Variants in NSUN4 observed in about 807,000 individuals in gnomAD.
NSUN4 encodes the protein 5-cytosine rRNA methyltransferase NSUN4.
In NSUN4, 31 loss-of-function variants were observed where a neutral mutation model predicts 43.8. The ratio of observed to expected loss-of-function variants is 0.71; its 90% CI spans 0.53 to 0.96. The LOEUF (loss-of-function observed/expected upper bound fraction) is 0.96, where lower values mean the gene tolerates loss of function less well. Ranked by LOEUF, NSUN4 falls within the 40% of genes least tolerant of loss-of-function variation. The pLI, the probability that NSUN4 is intolerant of heterozygous loss-of-function variation, is 0.00. For missense variants in NSUN4, 439 were observed against 475.6 expected, an observed-to-expected ratio of 0.92 and a Z score of 0.72; for synonymous variants, 167 against 184.1, an observed-to-expected ratio of 0.91 and a Z score of 0.75.
At chr1:46,371,828 C>T in the NSUN4 span, among the ~76,000 whole-genome samples, 85 of 152,040 alleles carry the variant, frequency 5.6e-4, no homozygotes, top group African/African-American at 1.8e-3. Context: ...TGGAGGTGGG[C>T]GGGGGGTGCC....
At chr1:46,372,489 CACTTT>C in the NSUN4 span, among the ~76,000 whole-genome samples, 1 of 152,114 alleles carries the variant, frequency 6.6e-6, no homozygotes, top group Non-Finnish European at 1.5e-5. Context: ...CAAATCTTTC[CACTTT>C]ACTTCCCTTT....
At position 46,361,899 on chromosome 1, in the gene NSUN4, C is replaced by A. The variant is rs537521305; in HGVS notation, c.*53C>A. 38 of 1,504,530 alleles carry A rather than the reference C, an allele frequency of 2.5e-5. No homozygotes were observed. The South Asian group carries it at 4.3e-4, about 17-fold the overall frequency. 93.2% of individuals were successfully genotyped at this position (1,504,530 alleles called of 1,614,324 possible). A position where few individuals can be genotyped will look rare whatever the true frequency, so the allele number is the denominator to read the frequency against. ...CAAAGGGTATACTCTGTTGGATGCA[C>A]CAGAAACTGGAAACTGGGACCAGTG... On this transcript the variant is annotated 3_prime_UTR_variant, in exon 6 of 6. Transcript: ENST00000474844.
chr1:46,346,987 C>A lies in NSUN4; in HGVS notation c.504C>A (p.Ala168=), dbSNP rs767222066. 1.7e-5 allele frequency: 27 copies of A among 1,614,026 alleles called. No individual in the cohort carries two copies. The highest frequency in any genetic ancestry group is 2.1e-5 in the Non-Finnish European group (25 of 1,180,008). ...CTGCCTCCTTGCTGCCTGTTCTGGC[C>A]CTCGGCCTGCAGCCTGGGGACATCG... ...MDAASLLPVL[A]LGLQPGDIVL... is the part of the protein sequence containing the mutation. Residue 168 remains alanine (A), a synonymous_variant, in exon 3 of 6, where the codon GCC becomes GCA. Transcript: ENST00000474844.
the NSUN4 span, among the ~76,000 whole-genome samples, chr1:46,375,779 A>T: frequency 6.7e-6 from 1 of 148,528 alleles, no homozygotes; most frequent in South Asian, 2.1e-4. Flanking sequence ...TATTCACAAT[A>T]GGTCTGATTT....
rs190027915 is a variant in NSUN4, at chr1:46,347,771, T to G, written c.592+696T>G. 2.9e-3 allele frequency among the ~76,000 whole-genome samples: 446 copies of G among 152,348 alleles called. 3 individuals are homozygous for G. Among genetic ancestry groups the G allele is most frequent in the African/African-American group, 7.8e-3 (326 of 41,592 alleles). On this transcript the variant is annotated intron_variant, in intron 3 of 5. Transcript: ENST00000474844. Reference sequence around the variant, plus strand: ...TTCTAGGCTTTATGTGCTTTAACCTTACTCTGCTACTCTCTGTTGCCTTTG... The same window carrying G: ...TTCTAGGCTTTATGTGCTTTAACCTGACTCTGCTACTCTCTGTTGCCTTTG...
rs1190689943 is a variant in NSUN4 at position 46,351,659 on chromosome 1, CTT to C, written c.593-1187_593-1186del. On this transcript the variant is annotated intron_variant, in intron 3 of 5. Coordinates refer to ENST00000474844, the MANE Select transcript of NSUN4 (RefSeq NM_199044.4). Reference sequence around the variant, plus strand: ...TGGGCAACATAGTGAGACCCAGTCTCTTTTTTTTTTTTTTTTTTTTTTTGAGA... The same window carrying C: ...TGGGCAACATAGTGAGACCCAGTCTCTTTTTTTTTTTTTTTTTTTTTGAGA... 2.9e-3 allele frequency among the ~76,000 whole-genome samples: 254 copies of C among 88,828 alleles called. 1 individual carries two copies. Among genetic ancestry groups the C allele is most frequent in the East Asian group, 0.016 (35 of 2,138 alleles). 58.3% of individuals were successfully genotyped at this position (88,828 alleles called of 152,430 possible). A position where few individuals can be genotyped will look rare whatever the true frequency, so the allele number is the denominator to read the frequency against.
At position 46,342,570 on chromosome 1, in the gene NSUN4, A is replaced by T. The variant is rs537804421; in HGVS notation, c.93+1651A>T. 3 of 399,068 alleles carry T rather than the reference A, an allele frequency of 7.5e-6. No individual in the cohort carries two copies. The East Asian group carries it at 1.1e-4, about 14-fold the overall frequency. The allele number at this position is 399,068 out of a possible 1,614,324, so 24.7% of individuals were successfully genotyped here. On this transcript the variant is annotated intron_variant, in intron 1 of 5. Transcript: ENST00000474844. ...GGAGGCAACTGGGAACTCTTACCTC[A>T]TCCTAACCCCGGACACCACAACTTC... is the stretch of plus-strand genomic sequence containing the variant.
At position 46,362,526 on chromosome 1, in the gene NSUN4, C is replaced by T. The variant is rs917805731; in HGVS notation, c.*680C>T. 13 of 152,432 alleles carry T rather than the reference C, an allele frequency of 8.5e-5. No individual in the cohort carries two copies. Among genetic ancestry groups the T allele is most frequent in the African/African-American group, 2.2e-4 (9 of 41,570 alleles). 9.4% of individuals were successfully genotyped at this position (152,432 alleles called of 1,614,324 possible). A position where few individuals can be genotyped will look rare whatever the true frequency, so the allele number is the denominator to read the frequency against. On this transcript the variant is annotated 3_prime_UTR_variant, in exon 6 of 6. Coordinates refer to ENST00000474844, the MANE Select transcript of NSUN4 (RefSeq NM_199044.4). ...TAGGAGGCTGCTTCTGCCACAAAAC[C>T]GTCATACTCTTGTGCGTGCCTTGTT...
intron 1 of NSUN4, 108 bp from the exon 2 acceptor site, chr1:46,344,692 TG>T: frequency 1.1e-6 from 1 of 890,188 alleles, no homozygotes; most frequent in Non-Finnish European, 1.8e-6. Context: ...AAAGCAGGAG[TG>T]GGCACTAGCT....
At chr1:46,359,617 C>G (rs1005634290) in intron 4 of NSUN4, among the ~76,000 whole-genome samples, 3 of 146,292 alleles carry the variant, frequency 2.1e-5, no homozygotes, top group Non-Finnish European at 4.5e-5. Flanking sequence ...ATGGCGCGAT[C>G]TTGGCTCACT....
the NSUN4 span, among the ~76,000 whole-genome samples, chr1:46,378,182 A>T: frequency 4.7e-5 from 7 of 149,338 alleles, no homozygotes; most frequent in African/African-American, 1.5e-4. Flanking sequence ...GTGAGCTACC[A>T]TGCCTGGCCA....
chr1:46,351,837 TG>T (rs1663014000), intron 3 of NSUN4, among the ~76,000 whole-genome samples: 1 of 151,576 alleles, frequency 6.6e-6, no homozygotes. Context: ...GCTAATTTTT[TG>T]TATTTTTAGT....
chr1:46,370,166 C>T, the NSUN4 span, among the ~76,000 whole-genome samples: 14 of 152,202 alleles, frequency 9.2e-5, no homozygotes, highest in South Asian at 1.2e-3. Context: ...GGGAGTATTT[C>T]GCCAGGAGAA....
the NSUN4 span, among the ~76,000 whole-genome samples, chr1:46,381,184 G>A: frequency 3.9e-5 from 6 of 152,154 alleles, no homozygotes; most frequent in Non-Finnish European, 7.3e-5. Flanking sequence ...TATGCAGCAC[G>A]ATCTCTGCAT....
In NSUN4 at chr1:46,352,210, G is replaced by A. The variant is rs376002374; in HGVS notation, c.593-658G>A. ...TCACACCTGTAATCCTAGCACTTTG[G>A]GAGGCCAAGGCAGGCGGGATCACCT... On this transcript the variant is annotated intron_variant, in intron 3 of 5. Coordinates refer to ENST00000474844, the MANE Select transcript of NSUN4 (RefSeq NM_199044.4). 2.5e-3 allele frequency among the ~76,000 whole-genome samples: 382 copies of A among 151,294 alleles called. 3 individuals are homozygous for A. The highest frequency in any genetic ancestry group is 8.3e-3 in the African/African-American group (344 of 41,366).
At chr1:46,349,722 G>C (rs531762942) in intron 3 of NSUN4, among the ~76,000 whole-genome samples, 1 of 152,304 alleles carries the variant, frequency 6.6e-6, no homozygotes, top group South Asian at 2.1e-4. Flanking sequence ...TAGCCTTCTG[G>C]AAGTCCAGAG....
chr1:46,360,249 A>AAAAAAAAAAAATATATAT (rs1553177947), intron 4 of NSUN4, among the ~76,000 whole-genome samples: 5 of 25,770 alleles, frequency 1.9e-4, no homozygotes, highest in Non-Finnish European at 2.9e-4. Flanking sequence ...AAAAAAAAAA[A>AAAAAAAAAAAATATATAT]ATATATATAT....
intron 1 of NSUN4, chr1:46,341,666 G>A: frequency 1.6e-6 from 2 of 1,222,122 alleles, no homozygotes; most frequent in Admixed American, 4.3e-5. Flanking sequence ...AACCTTCCTC[G>A]CACTCAGGGA....
chr1:46,378,669 G>A, the NSUN4 span, among the ~76,000 whole-genome samples: 1 of 152,252 alleles, frequency 6.6e-6, no homozygotes, highest in African/African-American at 2.4e-5. Context: ...AACCTTCAAA[G>A]TGGTGGTTTA....
Sources: allele counts gnomAD v4.1 joint callset (sites outside exome capture counted in the v4.1 genomes callset), GRCh38; gene constraint gnomAD v4.1.1; transcripts MANE v1.5; gene names NCBI Gene and HGNC (gene_info 2026-07-23, HGNC 2026-07-21).